BLTP1: variants seen among roughly 807,000 people sequenced by gnomAD.
The protein encoded by BLTP1 is fragile site-associated protein.
the BLTP1 span, chr4:122,247,183 A>G: frequency 1.1e-5 from 18 of 1,613,056 alleles, no homozygotes; most frequent in Non-Finnish European, 1.5e-5. Context: ...GACTTCAAAC[A>G]ATGCAGAACC....
chr4:122,160,424 A>C, the BLTP1 span, among the ~76,000 whole-genome samples: 3 of 152,334 alleles, frequency 2.0e-5, no homozygotes, highest in Non-Finnish European at 1.5e-5. Context: ...ATCACTGTAC[A>C]TGTAATGAGT....
the BLTP1 span, chr4:122,199,904 T>C: frequency 1.0e-6 from 1 of 978,768 alleles, no homozygotes; most frequent in Middle Eastern, 5.2e-4. Flanking sequence ...TTGTTTCATA[T>C]TATAAAGAGA....
the BLTP1 span, chr4:122,209,779 G>T: frequency 6.2e-7 from 1 of 1,601,370 alleles, no homozygotes; most frequent in South Asian, 1.1e-5. Context: ...TTAAAGGAAT[G>T]AGTATCTGAC....
chr4:122,326,323 T>C, the BLTP1 span, among the ~76,000 whole-genome samples: 2 of 151,780 alleles, frequency 1.3e-5, no homozygotes, highest in East Asian at 3.9e-4. Context: ...GTCACTGGTG[T>C]AAAAGAACAT....
chr4:122,346,453 C>A, the BLTP1 span: 1 of 984,664 alleles, frequency 1.0e-6, no homozygotes. Context: ...GGAAGTGGTA[C>A]TAACAGTGTT....
the BLTP1 span, chr4:122,356,861 C>T: frequency 4.1e-6 from 6 of 1,474,630 alleles, no homozygotes; most frequent in East Asian, 4.8e-5. Flanking sequence ...ATATATCTCC[C>T]GTGAGTTGAA....
the BLTP1 span, chr4:122,188,128 G>T: frequency 1.5e-6 from 2 of 1,368,426 alleles, no homozygotes; most frequent in Non-Finnish European, 1.9e-6. Context: ...ACTTCTTATA[G>T]GTAATACAGA....
At chr4:122,271,983 C>T in the BLTP1 span, 970 of 356,688 alleles carry the variant, frequency 2.7e-3, no homozygotes, top group Non-Finnish European at 3.3e-3. Context: ...CTCTACTATT[C>T]ACTTTCAGTA....
the BLTP1 span, among the ~76,000 whole-genome samples, chr4:122,267,848 G>A: frequency 6.6e-6 from 1 of 152,164 alleles, no homozygotes; most frequent in East Asian, 1.9e-4. Context: ...GATAGAAATA[G>A]TAGAATATGG....
chr4:122,335,351 T>C, the BLTP1 span, among the ~76,000 whole-genome samples: 2 of 152,022 alleles, frequency 1.3e-5, no homozygotes, highest in Non-Finnish European at 2.9e-5. Flanking sequence ...CACAAGGGCA[T>C]GAATACCAGG....
the BLTP1 span, chr4:122,246,289 C>T: frequency 6.3e-7 from 1 of 1,580,372 alleles, no homozygotes; most frequent in Non-Finnish European, 8.6e-7. Context: ...CTAATGTTAG[C>T]ATACCAAAGG....
the BLTP1 span, chr4:122,356,460 G>A: frequency 3.8e-6 from 1 of 260,362 alleles, no homozygotes; most frequent in East Asian, 1.8e-4. Context: ...TCTGTACTAG[G>A]GAAGTGCTTA....
chr4:122,155,932 G>A, the BLTP1 span: 1 of 816,488 alleles, frequency 1.2e-6, no homozygotes, highest in African/African-American at 1.8e-5. Flanking sequence ...TAGTGGGCTT[G>A]AGGGAAAATG....
the BLTP1 span, chr4:122,214,493 T>A: frequency 1.1e-6 from 1 of 941,016 alleles, no homozygotes; most frequent in Non-Finnish European, 1.3e-6. Context: ...TTATTTGTAT[T>A]TGTAAATATT....
At chr4:122,303,307 A>G in the BLTP1 span, among the ~76,000 whole-genome samples, 26 of 152,332 alleles carry the variant, frequency 1.7e-4, no homozygotes, top group African/African-American at 2.4e-4. Context: ...TAAGCCCGCT[A>G]TGGGTCTACT....
the BLTP1 span, chr4:122,193,870 C>CT: frequency 7.1e-4 from 110 of 155,782 alleles, 1 homozygote; most frequent in Middle Eastern, 6.8e-3. Flanking sequence ...GTAGTATATT[C>CT]TTTTTTTTTT....
At chr4:122,153,466 G>T in the BLTP1 span, among the ~76,000 whole-genome samples, 2 of 152,050 alleles carry the variant, frequency 1.3e-5, no homozygotes, top group African/African-American at 2.4e-5. Context: ...ATCCTATAAT[G>T]TAAAGTCTAC....
At chr4:122,157,589 T>A in the BLTP1 span, among the ~76,000 whole-genome samples, 1 of 152,102 alleles carries the variant, frequency 6.6e-6, no homozygotes, top group Non-Finnish European at 1.5e-5. Flanking sequence ...AGAGCTCAGG[T>A]GGTAATCCTC....
the BLTP1 span, chr4:122,251,297 T>C: frequency 1.0e-6 from 1 of 980,938 alleles, no homozygotes. Flanking sequence ...CGTATGTACA[T>C]ATATTTCTGA....
Sources: gnomAD v4.1 joint callset for allele counts (sites outside exome capture counted in the v4.1 genomes callset) on GRCh38, gnomAD v4.1.1 for gene constraint, MANE v1.5 for transcripts, NCBI Gene and HGNC (gene_info 2026-07-23, HGNC 2026-07-21) for gene names.